APBB2: variants seen among roughly 807,000 people sequenced by gnomAD.
APBB2 encodes the protein amyloid beta precursor protein binding family B member 2.
Under a neutral mutation model 82.5 loss-of-function variants are expected in APBB2, and 38 were observed. That is an observed-to-expected ratio of 0.46 (90% CI 0.36 to 0.60). The LOEUF is 0.60. APBB2 is among the 20% of genes least tolerant of loss of function. The pLI is 0.00. For missense variants in APBB2, 772 were observed against 972.3 expected (o/e 0.79, Z 2.74); for synonymous variants, 341 against 368.2 (o/e 0.93, Z 0.85).
chr4:41,193,040 A>C (rs1774918726), intron 1 of APBB2, among the ~76,000 whole-genome samples: 1 of 152,256 alleles, frequency 6.6e-6, no homozygotes, highest in African/African-American at 2.4e-5. Context: ...GTTCACAGTG[A>C]AACCTAAAGG....
intron 6 of APBB2, among the ~76,000 whole-genome samples, chr4:40,986,092 A>G (rs1579007600): frequency 6.6e-6 from 1 of 152,324 alleles, no homozygotes; most frequent in East Asian, 1.9e-4. Context: ...CACACAAGAA[A>G]GCCAAAAACT....
At chr4:41,189,455 T>C (rs907822332) in intron 1 of APBB2, among the ~76,000 whole-genome samples, 4 of 152,140 alleles carry the variant, frequency 2.6e-5, no homozygotes, top group African/African-American at 9.7e-5. Context: ...AATCAAGCAG[T>C]ACACCTAAGA....
chr4:41,040,209 A>T (rs1049828230), intron 4 of APBB2, among the ~76,000 whole-genome samples: 4 of 152,146 alleles, frequency 2.6e-5, no homozygotes, highest in Non-Finnish European at 5.9e-5. Context: ...AATCTACAGG[A>T]TTATTTTAGT....
At chr4:40,997,722 A>G (rs751036198) in intron 6 of APBB2, among the ~76,000 whole-genome samples, 4 of 152,248 alleles carry the variant, frequency 2.6e-5, no homozygotes, top group Non-Finnish European at 4.4e-5. Context: ...AAAATAAATG[A>G]TAACATTGCT....
intron 1 of APBB2, among the ~76,000 whole-genome samples, chr4:41,175,139 T>C (rs1181770609): frequency 6.6e-6 from 1 of 152,166 alleles, no homozygotes; most frequent in African/African-American, 2.4e-5. Context: ...ACAAGCAAGA[T>C]GGGAATTCAT....
chr4:41,076,389 G>A (rs1048617521), intron 3 of APBB2, among the ~76,000 whole-genome samples: 1 of 152,074 alleles, frequency 6.6e-6, no homozygotes, highest in Non-Finnish European at 1.5e-5. Context: ...CCTCAGCAAA[G>A]GTTAAGCTTG....
chr4:40,850,518 G>T (rs1758999514), intron 12 of APBB2, among the ~76,000 whole-genome samples: 1 of 152,126 alleles, frequency 6.6e-6, no homozygotes, highest in African/African-American at 2.4e-5. Context: ...GTCATTAAAG[G>T]TTCTGTGCAG....
At chr4:40,859,356 C>T (rs1762213723) in intron 12 of APBB2, among the ~76,000 whole-genome samples, 1 of 151,730 alleles carries the variant, frequency 6.6e-6, no homozygotes, top group African/African-American at 2.4e-5. Flanking sequence ...CTGCAACCTC[C>T]TCCTCTTGGG....
intron 12 of APBB2, among the ~76,000 whole-genome samples, chr4:40,846,326 CAAAA>C (rs3086182): frequency 2.6e-4 from 16 of 62,514 alleles, no homozygotes; most frequent in East Asian, 5.1e-4. Context: ...GAAAACACTC[CAAAA>C]AAAAAAAAAA....
intron 12 of APBB2, among the ~76,000 whole-genome samples, chr4:40,831,637 C>G (rs6821765): frequency 0.24 from 36,041 of 151,976 alleles, 5,215 homozygotes; most frequent in African/African-American, 0.41. Context: ...AACATGTGCA[C>G]AAACAATGGA....
chr4:40,963,133 A>C (rs1209475850), intron 6 of APBB2, among the ~76,000 whole-genome samples: 1 of 152,078 alleles, frequency 6.6e-6, no homozygotes, highest in Admixed American at 6.5e-5. Flanking sequence ...TTCTTTCTGG[A>C]TCTACTGGTA....
chr4:41,077,281 G>A (rs1321625802), intron 3 of APBB2, among the ~76,000 whole-genome samples: 1 of 151,246 alleles, frequency 6.6e-6, no homozygotes, highest in African/African-American at 2.4e-5. Flanking sequence ...AGAATGCTGG[G>A]ATTACAGGTG....
In APBB2 at chr4:41,127,637, G is replaced by A. The variant is rs1754758190; in HGVS notation, c.-261+15350C>T. Among the ~76,000 whole-genome samples, 2 of 152,266 alleles carry A rather than the reference G, an allele frequency of 1.3e-5. No individual in the cohort carries two copies. Among genetic ancestry groups the A allele is most frequent in the South Asian group, 2.1e-4 (1 of 4,824 alleles). ...ACAAAGATCTAATATCCAGAATCTA[G>A]GAGGAACTTAAACAATTCAATAAGC... On this transcript the variant is annotated intron_variant, in intron 2 of 17. Coordinates refer to ENST00000508593, the MANE Select transcript of APBB2 (RefSeq NM_004307.2). The surrounding 1 kb of genome is among the most constrained non-coding windows in gnomAD (Gnocchi z 4.8).
intron 3 of APBB2, among the ~76,000 whole-genome samples, chr4:41,096,886 A>G (rs1038538281): frequency 4.6e-5 from 7 of 152,230 alleles, no homozygotes; most frequent in African/African-American, 1.7e-4. Flanking sequence ...CCTAAAAGGA[A>G]GGACATATCT....
chr4:40,898,971 C>T (rs1324296460), intron 10 of APBB2, among the ~76,000 whole-genome samples: 1 of 152,088 alleles, frequency 6.6e-6, no homozygotes, highest in Non-Finnish European at 1.5e-5. Context: ...TCAGATGATG[C>T]TGAAGTTGTG....
chr4:40,889,926 A>C (rs1771481408), intron 12 of APBB2, among the ~76,000 whole-genome samples: 1 of 152,188 alleles, frequency 6.6e-6, no homozygotes, highest in Non-Finnish European at 1.5e-5. Context: ...TTGTGATGAA[A>C]GGCTGTACAA....
At chr4:41,040,980 A>AAC in intron 4 of APBB2, among the ~76,000 whole-genome samples, 1 of 151,966 alleles carries the variant, frequency 6.6e-6, no homozygotes, top group Non-Finnish European at 1.5e-5. Flanking sequence ...TCCCGAGTTC[A>AAC]CGCCATTCTC....
rs1018182772 is a variant in APBB2 at position 40,995,806 on chromosome 4, G to A, written c.835+17777C>T. ...TGCCTCACCCTCCCAAAGTACTGGG[G>A]ATTACAGGTGTGAGCCACCGTGCCA... On this transcript the variant is annotated intron_variant, in intron 6 of 17. Transcript: ENST00000508593. 4.6e-5 allele frequency among the ~76,000 whole-genome samples: 7 copies of A among 151,984 alleles called. No homozygotes were observed. In the East Asian group the frequency reaches 1.4e-3, roughly 29 times the overall value.
rs768647071 is a variant in APBB2, at chr4:41,014,236, C to T, written c.182G>A (p.Ser61Asn). 45 of 1,614,040 alleles carry T rather than the reference C, an allele frequency of 2.8e-5. No individual in the cohort carries two copies. In the South Asian group the frequency reaches 4.6e-4, roughly 17 times the overall value. The part of the protein sequence containing the change: ...AEIKHTETKN[S>N]TPPKCRKKYA... Reference sequence around the variant, plus strand: ...TTTTTTCCTGCATTTGGGAGGTGTGCTGTTCTTGGTTTCTGTGTGTTTTAT... The same window carrying T: ...TTTTTTCCTGCATTTGGGAGGTGTGTTGTTCTTGGTTTCTGTGTGTTTTAT... The change falls in exon 6 of 18, where the codon AGC becomes AAC. Residue 61 changes from serine to asparagine, a missense_variant. Coordinates refer to ENST00000508593, the MANE Select transcript of APBB2 (RefSeq NM_004307.2).
Sources: gnomAD v4.1 joint callset for allele counts (sites outside exome capture counted in the v4.1 genomes callset) on GRCh38, gnomAD v4.1.1 for gene constraint, Gnocchi (gnomAD v3.1) non-coding constraint, MANE v1.5 for transcripts, NCBI Gene and HGNC (gene_info 2026-07-23, HGNC 2026-07-21) for gene names.